NFIA: variants seen among roughly 807,000 people sequenced by gnomAD.
NFIA encodes nuclear factor I A.
Under a neutral mutation model 62.8 loss-of-function variants are expected in NFIA, and 8 were observed. That is an observed-to-expected ratio of 0.13 (90% CI 0.07 to 0.23). The LOEUF (loss-of-function observed/expected upper bound fraction) is 0.23, where lower values mean the gene tolerates loss of function less well. Among genes scored for constraint, NFIA ranks in the 10% least tolerant of loss-of-function variants. The probability of loss-of-function intolerance (pLI) is 1.00; values close to 1 mark genes in which losing one functional copy is unlikely to be tolerated. For synonymous variants in NFIA, 235 were observed against 238.1 expected (o/e 0.99, Z 0.12); for missense variants, 410 against 642.1 (o/e 0.64, Z 3.91).
intron 2 of NFIA, among the ~76,000 whole-genome samples, chr1:61,149,900 C>G (rs988549944): frequency 3.9e-5 from 6 of 152,146 alleles, no homozygotes; most frequent in Admixed American, 6.5e-5. Flanking sequence ...TTCAGTGTTT[C>G]AGTAAGGACA....
At chr1:61,318,059 C>T (rs1286645107) in intron 3 of NFIA, among the ~76,000 whole-genome samples, 1 of 151,888 alleles carries the variant, frequency 6.6e-6, no homozygotes, top group Admixed American at 6.6e-5. Context: ...GAACATTTTG[C>T]CATATAGATC....
intron 2 of NFIA, among the ~76,000 whole-genome samples, chr1:61,189,404 C>T (rs113273659): frequency 0.025 from 3,844 of 152,170 alleles, 163 homozygotes; most frequent in African/African-American, 0.089. Context: ...CAGTGGCTCA[C>T]GCCTGTAATC....
At chr1:61,244,389 C>G (rs1039040782) in intron 2 of NFIA, among the ~76,000 whole-genome samples, 4 of 152,158 alleles carry the variant, frequency 2.6e-5, no homozygotes, top group Non-Finnish European at 5.9e-5. Context: ...TAGACACTGT[C>G]TGTTTTCATT....
chr1:61,079,160 A>G (rs1162751030), upstream of NFIA, among the ~76,000 whole-genome samples: 1 of 152,240 alleles, frequency 6.6e-6, no homozygotes, highest in African/African-American at 2.4e-5. Flanking sequence ...TGCACATAAG[A>G]AAAATCTGCA....
intron 2 of NFIA, among the ~76,000 whole-genome samples, chr1:61,218,711 A>T (rs1282503565): frequency 6.6e-6 from 1 of 152,226 alleles, no homozygotes; most frequent in Non-Finnish European, 1.5e-5. Flanking sequence ...TCTTCTACAG[A>T]ATCATTTCAG....
At position 61,231,565 on chromosome 1, in the gene NFIA, A is replaced by G. The variant is rs75990620; in HGVS notation, c.560-45955A>G. ...ATCCATGTTCTTTTATATGCTTAGGACTCAACTTGGTGCTATTGTATTTAG... is the reference window on the plus strand; with the variant it reads ...ATCCATGTTCTTTTATATGCTTAGGGCTCAACTTGGTGCTATTGTATTTAG... On this transcript the variant is annotated intron_variant, in intron 2 of 10. Transcript: ENST00000403491. Among the ~76,000 whole-genome samples, 1,256 of 152,276 alleles carry G rather than the reference A, an allele frequency of 8.2e-3. 23 individuals are homozygous for G. The highest frequency in any genetic ancestry group is 0.029 in the African/African-American group (1,200 of 41,550).
intron 4 of NFIA, among the ~76,000 whole-genome samples, chr1:61,336,584 C>G (rs1661620502): frequency 6.6e-6 from 1 of 152,152 alleles, no homozygotes; most frequent in Non-Finnish European, 1.5e-5. Context: ...TGGGTTTTGA[C>G]AAATGCATAG....
chr1:61,088,379 A>G lies in NFIA; in HGVS notation c.258A>G (p.Glu86=), dbSNP rs370092857. 5.3e-5 allele frequency: 85 copies of G among 1,613,754 alleles called. No homozygotes were observed. The highest frequency in any genetic ancestry group is 7.0e-5 in the Non-Finnish European group (83 of 1,179,974). The change falls in exon 2 of 11, where the codon GAA becomes GAG. Residue 86 remains glutamate (E), a synonymous_variant. Transcript: ENST00000403491. The surrounding 1 kb of genome is among the most constrained non-coding windows in gnomAD (Gnocchi z 4.5). ...LAKLRKDIRP[E]YREDFVLTVT... ...AGTTGCGGAAAGATATCCGACCCGA[A>G]TATCGAGAGGATTTTGTTCTTACAG... is the stretch of plus-strand genomic sequence containing the variant.
intron 3 of NFIA, among the ~76,000 whole-genome samples, chr1:61,305,628 C>G (rs935431771): frequency 2.0e-5 from 3 of 152,128 alleles, no homozygotes; most frequent in Non-Finnish European, 2.9e-5. Flanking sequence ...GGGTAGGATT[C>G]CTTCAATGCT....
At chr1:61,272,341 A>G (rs1466661532) in intron 2 of NFIA, among the ~76,000 whole-genome samples, 1 of 151,984 alleles carries the variant, frequency 6.6e-6, no homozygotes. Flanking sequence ...ACTGGAAAAA[A>G]TAGATAATTT....
intron 2 of NFIA, among the ~76,000 whole-genome samples, chr1:61,164,307 A>G (rs1374034748): frequency 1.3e-5 from 2 of 152,184 alleles, no homozygotes; most frequent in African/African-American, 4.8e-5. Context: ...AGCCTTATTT[A>G]TTCCATTTAT....
chr1:61,393,768 C>A (rs1369923666), intron 7 of NFIA, among the ~76,000 whole-genome samples: 3 of 152,102 alleles, frequency 2.0e-5, no homozygotes, highest in African/African-American at 7.2e-5. Context: ...ATAGCTACCC[C>A]CAGGAGATAA....
intron 2 of NFIA, among the ~76,000 whole-genome samples, chr1:61,243,494 A>C (rs1040809398): frequency 6.6e-6 from 1 of 152,200 alleles, no homozygotes; most frequent in Non-Finnish European, 1.5e-5. Context: ...ATCATAGTGC[A>C]TTTTAAATCT....
intron 3 of NFIA, among the ~76,000 whole-genome samples, chr1:61,327,406 C>G (rs1450546952): frequency 6.6e-6 from 1 of 151,814 alleles, no homozygotes; most frequent in African/African-American, 2.4e-5. Context: ...ATCCGTCACT[C>G]CCTACACAGC....
intron 6 of NFIA, among the ~76,000 whole-genome samples, chr1:61,367,179 C>A (rs1663635596): frequency 1.3e-5 from 2 of 152,182 alleles, no homozygotes; most frequent in African/African-American, 4.8e-5. Flanking sequence ...ATTCCCAACT[C>A]TGCTGGTCCT....
chr1:61,254,836 T>A (rs1656274362), intron 2 of NFIA, among the ~76,000 whole-genome samples: 1 of 152,230 alleles, frequency 6.6e-6, no homozygotes, highest in Admixed American at 6.5e-5. Flanking sequence ...AGAATTTTAG[T>A]GTTGATTTAA....
upstream of NFIA, among the ~76,000 whole-genome samples, chr1:61,077,915 G>A (rs1646051515): frequency 6.8e-6 from 1 of 147,266 alleles, no homozygotes; most frequent in Admixed American, 6.9e-5. Context: ...TTTCCTCCTA[G>A]CGCTTGCTCG....
chr1:61,078,310 T>C (rs1444536620), upstream of NFIA, among the ~76,000 whole-genome samples: 2 of 152,008 alleles, frequency 1.3e-5, no homozygotes, highest in Admixed American at 6.5e-5. Context: ...ATCGTGTGCC[T>C]TCTTCCTTGT....
chr1:61,398,499 A>G (rs1665395364), intron 7 of NFIA, among the ~76,000 whole-genome samples: 2 of 152,216 alleles, frequency 1.3e-5, no homozygotes, highest in South Asian at 2.1e-4. Context: ...ACCGTGGCAT[A>G]AAGTTACTTT....
Sources: gnomAD v4.1 joint callset for allele counts (sites outside exome capture counted in the v4.1 genomes callset) on GRCh38, gnomAD v4.1.1 for gene constraint, Gnocchi (gnomAD v3.1) non-coding constraint, MANE v1.5 for transcripts, NCBI Gene and HGNC (gene_info 2026-07-23, HGNC 2026-07-21) for gene names.